COL11A1: variants seen among roughly 807,000 people sequenced by gnomAD.
The protein encoded by COL11A1 is collagen alpha-1(XI) chain.
A neutral mutation model predicts 265.2 loss-of-function variants in COL11A1; 74 were observed. The observed-to-expected ratio is 0.28, with a 90% confidence interval of 0.23 to 0.34. The LOEUF (loss-of-function observed/expected upper bound fraction) is 0.34, where lower values mean the gene tolerates loss of function less well. Among genes scored for constraint, COL11A1 ranks in the 10% least tolerant of loss-of-function variants. The probability of loss-of-function intolerance (pLI) is 1.00; values close to 1 mark genes in which losing one functional copy is unlikely to be tolerated. For synonymous variants in COL11A1, 816 were observed against 727.6 expected (o/e 1.12, Z -1.96); for missense variants, 2,165 against 2,263.6 (o/e 0.96, Z 0.88).
chr1:102,879,666 G>A lies in COL11A1; in HGVS notation c.5274+17C>T, dbSNP rs1649980142. 1 of 1,605,442 alleles carries A rather than the reference G, an allele frequency of 6.2e-7. No homozygotes were observed. Among genetic ancestry groups the A allele is most frequent in the Non-Finnish European group, 8.5e-7 (1 of 1,173,146 alleles). Reference sequence around the variant, plus strand: ...CTATCATCTCTGTGAAGGGAGACAAGCAGAACTTATACTCACCGCACAACC... The same window carrying A: ...CTATCATCTCTGTGAAGGGAGACAAACAGAACTTATACTCACCGCACAACC... On this transcript the variant is annotated intron_variant, in intron 66 of 66. Transcript: ENST00000370096.
chr1:103,092,607 T>A (rs12142575), intron 1 of COL11A1, among the ~76,000 whole-genome samples: 53,580 of 151,912 alleles, frequency 0.35, 9,717 homozygotes, highest in African/African-American at 0.39. Context: ...AATCATTTGT[T>A]AGCCACCTCC....
chr1:103,004,766 A>T, intron 18 of COL11A1, 105 bp from the exon 19 acceptor site: 1 of 973,006 alleles, frequency 1.0e-6, no homozygotes, highest in Non-Finnish European at 1.6e-6. Flanking sequence ...TTTGGCAGGG[A>T]AAATATATGC....
At chr1:103,081,750 G>A (rs1672430576) in intron 2 of COL11A1, among the ~76,000 whole-genome samples, 1 of 151,866 alleles carries the variant, frequency 6.6e-6, no homozygotes, top group Non-Finnish European at 1.5e-5. Context: ...CTCAAGCAGA[G>A]ATAATATAGG....
At chr1:102,916,891 G>A (rs1299574459) in intron 49 of COL11A1, among the ~76,000 whole-genome samples, 1 of 151,874 alleles carries the variant, frequency 6.6e-6, no homozygotes, top group Non-Finnish European at 1.5e-5. Flanking sequence ...ATGTAATGAT[G>A]TTAGTGATGT....
rs1430593990 is a variant in COL11A1 at position 102,889,636 on chromosome 1, G to T, written c.4357-74C>A. ...ATAAAATTTTAGTTATAAAATATTT[G>T]CACATTAAATTTCTAAAGCATAAAA... On this transcript the variant is annotated intron_variant, in intron 58 of 66. Transcript: ENST00000370096. 3.7e-6 allele frequency: 4 copies of T among 1,072,090 alleles called. No individual in the cohort carries two copies. In the East Asian group the frequency reaches 1.0e-4, roughly 28 times the overall value. The allele number at this position is 1,072,090 out of a possible 1,614,324, so 66.4% of individuals were successfully genotyped here. A position where few individuals can be genotyped will look rare whatever the true frequency, so the allele number is the denominator to read the frequency against.
intron 54 of COL11A1, among the ~76,000 whole-genome samples, chr1:102,902,212 G>A (rs1653296609): frequency 6.6e-6 from 1 of 152,146 alleles, no homozygotes; most frequent in African/African-American, 2.4e-5. Flanking sequence ...TAGGCCAGTA[G>A]CTAAGCATCT....
intron 31 of COL11A1, among the ~76,000 whole-genome samples, chr1:102,983,455 A>G (rs1445700686): frequency 6.6e-6 from 1 of 152,058 alleles, no homozygotes; most frequent in East Asian, 1.9e-4. Context: ...GAGTGTTCTT[A>G]CAAGAGACAG....
chr1:102,970,672 C>T (rs1258503230), intron 36 of COL11A1, among the ~76,000 whole-genome samples: 1 of 151,990 alleles, frequency 6.6e-6, no homozygotes, highest in East Asian at 1.9e-4. Context: ...ACTTGGATAA[C>T]AGAGAGAAAT....
At chr1:102,886,430 C>G (rs1310512357) in intron 63 of COL11A1, among the ~76,000 whole-genome samples, 1 of 152,000 alleles carries the variant, frequency 6.6e-6, no homozygotes, top group African/African-American at 2.4e-5. Flanking sequence ...TCATATTAAT[C>G]TAAAATAATA....
chr1:103,051,122 C>G (rs1248920545), intron 4 of COL11A1, among the ~76,000 whole-genome samples: 11 of 152,202 alleles, frequency 7.2e-5, no homozygotes, highest in Non-Finnish European at 1.5e-4. Context: ...TTACTCTCTT[C>G]AAAGCTGTCA....
At chr1:103,042,551 ACAGACATGGAAG>A (rs2102059471) in intron 4 of COL11A1, among the ~76,000 whole-genome samples, 1 of 152,162 alleles carries the variant, frequency 6.6e-6, no homozygotes, top group South Asian at 2.1e-4. Flanking sequence ...GGTTTCCGGG[ACAGACATGGAAG>A]CTACCACCAG....
rs139091047 is a variant in COL11A1 at position 102,959,266 on chromosome 1, A to C, written c.3168+2600T>G. Among the ~76,000 whole-genome samples the C allele has an allele frequency of 8.6e-4, 131 of 152,336 alleles. 1 individual carries two copies. The highest frequency in any genetic ancestry group is 3.1e-3 in the African/African-American group (128 of 41,576). On this transcript the variant is annotated intron_variant, in intron 41 of 66. Coordinates refer to ENST00000370096, the MANE Select transcript of COL11A1 (RefSeq NM_001854.4). Reference sequence around the variant, plus strand: ...TAATTATATGTTGTATTAGTGATTTAGTTTTTTATTATGTAAAATAGCAGA... The same window carrying C: ...TAATTATATGTTGTATTAGTGATTTCGTTTTTTATTATGTAAAATAGCAGA...
At chr1:102,913,776 A>C in intron 52 of COL11A1, 86 bp from the exon 53 acceptor site, 1 of 1,167,014 alleles carries the variant, frequency 8.6e-7, no homozygotes. Flanking sequence ...ATGTTAGGCC[A>C]TCTCTTGAGA....
intron 51 of COL11A1, 126 bp from the exon 52 acceptor site, chr1:102,914,531 C>CA (rs1655076498): frequency 4.7e-6 from 5 of 1,065,920 alleles, no homozygotes; most frequent in Non-Finnish European, 6.9e-6. Flanking sequence ...CTTCTCCCGC[C>CA]AAAAAATTTC....
chr1:103,002,878 T>A, intron 21 of COL11A1, 87 bp from the exon 22 acceptor site: 1 of 1,199,028 alleles, frequency 8.3e-7, no homozygotes, highest in Non-Finnish European at 1.2e-6. Context: ...TATCATGATA[T>A]TCACTACCCT....
At position 102,912,174 on chromosome 1, in the gene COL11A1, A is replaced by C. The variant is rs570536339; in HGVS notation, c.4071T>G (p.Gly1357=). 6.2e-7 allele frequency: 1 copy of C among 1,611,528 alleles called. No individual in the cohort carries two copies. The highest frequency in any genetic ancestry group is 1.7e-5 in the Admixed American group (1 of 59,690). The change falls in exon 54 of 67, where the codon GGT becomes GGG. Residue 1357 remains glycine (G), a synonymous_variant. Transcript: ENST00000370096. ...AGAAACTTACTCGTTTTCCAGGAGG[A>C]CCTGGTGGGCCAGCCTCACCAGATG... ...PGPSGEAGPP[G]PPGKRGPPGA... is the part of the protein sequence containing the mutation.
chr1:103,064,533 C>CA (rs554437682), intron 4 of COL11A1, among the ~76,000 whole-genome samples: 9 of 150,590 alleles, frequency 6.0e-5, no homozygotes, highest in Admixed American at 2.6e-4. Context: ...ACTAAAAACA[C>CA]AAAAAAAATT....
chr1:102,933,847 G>T (rs1657835096), intron 46 of COL11A1, among the ~76,000 whole-genome samples: 1 of 152,080 alleles, frequency 6.6e-6, no homozygotes, highest in Non-Finnish European at 1.5e-5. Context: ...GGAGTGACCC[G>T]ATTTTCCAGG....
intron 15 of COL11A1, among the ~76,000 whole-genome samples, chr1:103,006,526 ATTTTTTTT>A (rs4013849): frequency 3.6e-5 from 3 of 82,860 alleles, no homozygotes; most frequent in African/African-American, 1.5e-4. Context: ...AAATGGCTCC[ATTTTTTTT>A]TTTTTTTTTT....
Sources: gnomAD v4.1 joint callset for allele counts (sites outside exome capture counted in the v4.1 genomes callset) on GRCh38, gnomAD v4.1.1 for gene constraint, MANE v1.5 for transcripts, NCBI Gene and HGNC (gene_info 2026-07-23, HGNC 2026-07-21) for gene names.